CREB5: variants seen among roughly 807,000 people sequenced by gnomAD.
CREB5 encodes cyclic AMP-responsive element-binding protein 5.
In CREB5, 19 loss-of-function variants were observed where a neutral mutation model predicts 57.1. That is an observed-to-expected ratio of 0.33 (90% CI 0.23 to 0.49). CREB5 has a LOEUF of 0.49. CREB5 is among the 20% of genes least tolerant of loss of function. The pLI is 0.99. For missense variants in CREB5, 579 were observed against 671.6 expected (o/e 0.86, Z 1.52); for synonymous variants, 238 against 238.3 (o/e 1.00, Z 0.01).
intron 5 of CREB5, among the ~76,000 whole-genome samples, chr7:28,711,574 A>G (rs1359432759): frequency 6.6e-6 from 1 of 152,178 alleles, no homozygotes; most frequent in Non-Finnish European, 1.5e-5. Context: ...TCGTGTTCCT[A>G]ATTCTTGCTT....
intron 7 of CREB5, among the ~76,000 whole-genome samples, chr7:28,772,923 G>A (rs1806405877): frequency 1.3e-5 from 2 of 152,092 alleles, no homozygotes; most frequent in Admixed American, 6.5e-5. Flanking sequence ...GGTGGTCATA[G>A]GCAGCTCTCG....
At chr7:28,521,327 A>G (rs974580657) in intron 4 of CREB5, among the ~76,000 whole-genome samples, 6 of 152,164 alleles carry the variant, frequency 3.9e-5, no homozygotes, top group Non-Finnish European at 8.8e-5. Flanking sequence ...TACTGTAGGA[A>G]AAGATTATCT....
At chr7:28,614,510 C>T (rs1344924698) in intron 5 of CREB5, among the ~76,000 whole-genome samples, 1 of 152,164 alleles carries the variant, frequency 6.6e-6, no homozygotes, top group African/African-American at 2.4e-5. Context: ...ATGTTCTGAT[C>T]TAGTCTGGCT....
At chr7:28,649,278 T>C (rs2128705728) in intron 5 of CREB5, among the ~76,000 whole-genome samples, 1 of 152,368 alleles carries the variant, frequency 6.6e-6, no homozygotes. Context: ...CTGTTTTGTA[T>C]GTCCCACAAG....
chr7:28,711,611 G>GA (rs1802403415), intron 5 of CREB5, among the ~76,000 whole-genome samples: 1 of 152,096 alleles, frequency 6.6e-6, no homozygotes, highest in Non-Finnish European at 1.5e-5. Context: ...TTGTTTTTAG[G>GA]AAAAACAAGA....
At chr7:28,663,144 CA>C (rs77569783) in intron 5 of CREB5, among the ~76,000 whole-genome samples, 114,750 of 147,370 alleles carry the variant, frequency 0.78, 44,742 homozygotes, top group Middle Eastern at 0.95. Context: ...GATTCCATCT[CA>C]AAAAAAAAAA....
At chr7:28,326,248 C>T (rs559748090) in intron 1 of CREB5, among the ~76,000 whole-genome samples, 2 of 152,036 alleles carry the variant, frequency 1.3e-5, no homozygotes, top group Non-Finnish European at 2.9e-5. Flanking sequence ...CACACTGATA[C>T]CCACAGTTCC....
chr7:28,532,662 T>C (rs1467002182), intron 4 of CREB5, among the ~76,000 whole-genome samples: 6 of 152,172 alleles, frequency 3.9e-5, no homozygotes, highest in Non-Finnish European at 5.9e-5. Flanking sequence ...TAATTGAAAA[T>C]TGGTATATTT....
At chr7:28,416,326 AAAATACAT>A (rs1788021937) in intron 1 of CREB5, among the ~76,000 whole-genome samples, 1 of 152,238 alleles carries the variant, frequency 6.6e-6, no homozygotes, top group African/African-American at 2.4e-5. Flanking sequence ...CTAAGGGGGA[AAAATACAT>A]GCAACAACAA....
intron 4 of CREB5, among the ~76,000 whole-genome samples, chr7:28,514,131 T>A (rs1430258983): frequency 6.6e-6 from 1 of 152,212 alleles, no homozygotes; most frequent in African/African-American, 2.4e-5. Flanking sequence ...TATTTGGATC[T>A]TAATTGATGA....
intron 1 of CREB5, among the ~76,000 whole-genome samples, chr7:28,413,429 A>C (rs922925245): frequency 2.0e-5 from 3 of 152,180 alleles, no homozygotes; most frequent in Non-Finnish European, 4.4e-5. Flanking sequence ...GAAGAAGTAT[A>C]ATAAAACTCA....
rs150412643 is a variant in CREB5 at position 28,578,830 on chromosome 7, A to G, written c.464+8293A>G. On this transcript the variant is annotated intron_variant, in intron 5 of 10. Coordinates refer to ENST00000357727, the MANE Select transcript of CREB5 (RefSeq NM_182898.4). Reference sequence around the variant, plus strand: ...TTTCACCAAATAAATTTTCTCTACAATCATCTTTTATATCCTTTCTAATGA... The same window carrying G: ...TTTCACCAAATAAATTTTCTCTACAGTCATCTTTTATATCCTTTCTAATGA... Among the ~76,000 whole-genome samples the G allele has an allele frequency of 1.6e-4, 25 of 152,318 alleles. No homozygotes were observed. In the East Asian group the frequency reaches 3.7e-3, roughly 22 times the overall value.
In CREB5 at chr7:28,326,293, C is replaced by T. The variant is rs112774881; in HGVS notation, c.-25+26852C>T. Reference sequence around the variant, plus strand: ...CTACATACTTTTTTAAACCAACCTCCTTTCCATGTTTATAGCTTTTTATTT... The same window carrying T: ...CTACATACTTTTTTAAACCAACCTCTTTTCCATGTTTATAGCTTTTTATTT... On this transcript the variant is annotated intron_variant, in intron 1 of 9. Transcript: ENST00000396299. Among the ~76,000 whole-genome samples the T allele has an allele frequency of 1.5e-4, 23 of 152,168 alleles. 1 individual carries two copies. The highest frequency in any genetic ancestry group is 7.3e-5 in the Non-Finnish European group (5 of 68,038).
chr7:28,705,906 G>T (rs1802082069), intron 5 of CREB5, among the ~76,000 whole-genome samples: 1 of 152,196 alleles, frequency 6.6e-6, no homozygotes, highest in Non-Finnish European at 1.5e-5. Context: ...AAAATTCCAT[G>T]CCTTTAATGA....
chr7:28,479,391 G>A (rs1369787720), intron 1 of CREB5, among the ~76,000 whole-genome samples: 1 of 152,098 alleles, frequency 6.6e-6, no homozygotes, highest in Non-Finnish European at 1.5e-5. Context: ...CCCCTTACTG[G>A]GCCACCCAAG....
chr7:28,299,819 T>C lies in CREB5; in HGVS notation c.-25+378T>C, dbSNP rs552429658. Among the ~76,000 whole-genome samples the C allele has an allele frequency of 2.0e-5, 3 of 152,336 alleles. No homozygotes were observed. In the East Asian group the frequency reaches 5.8e-4, roughly 29 times the overall value. ...GCTGCAATGTTGTGTTACCAAAGTT[T>C]AGGAGCCAGGGCAAACTAATATACA... On this transcript the variant is annotated intron_variant, in intron 1 of 9. Coordinates refer to the CREB5 transcript ENST00000396299.
At chr7:28,740,416 G>A (rs1055282646) in intron 7 of CREB5, among the ~76,000 whole-genome samples, 2 of 152,076 alleles carry the variant, frequency 1.3e-5, no homozygotes, top group Non-Finnish European at 2.9e-5. Flanking sequence ...GTGAGGTCTT[G>A]CTTATCACAA....
intron 5 of CREB5, among the ~76,000 whole-genome samples, chr7:28,689,909 G>GGGGT (rs1554286211): frequency 1.4e-5 from 2 of 141,578 alleles, no homozygotes; most frequent in African/African-American, 2.7e-5. Context: ...ACTTGTATTT[G>GGGGT]GTGTGTGTGT....
chr7:28,522,399 T>G (rs1219404085), intron 4 of CREB5, among the ~76,000 whole-genome samples: 8 of 148,486 alleles, frequency 5.4e-5, no homozygotes, highest in East Asian at 3.9e-4. Context: ...TGTTTTTTTT[T>G]TTTTTTTTTT....
Sources: gnomAD v4.1 joint callset for allele counts (sites outside exome capture counted in the v4.1 genomes callset) on GRCh38, gnomAD v4.1.1 for gene constraint, MANE v1.5 for transcripts, NCBI Gene and HGNC (gene_info 2026-07-23, HGNC 2026-07-21) for gene names.